Variants in ADAP1 observed in about 807,000 individuals in gnomAD.
ADAP1 encodes the protein ArfGAP with dual PH domains 1.
ADAP1 carries 31 observed loss-of-function variants against 54.9 expected under a neutral mutation model. That is an observed-to-expected ratio of 0.56 (90% CI 0.42 to 0.76). The LOEUF (loss-of-function observed/expected upper bound fraction) is 0.76. ADAP1 is among the 30% of genes least tolerant of loss of function. ADAP1 has a pLI of 0.00. For missense variants in ADAP1, 535 were observed against 512.4 expected (o/e 1.04, Z -0.42); for synonymous variants, 313 against 202.6 (o/e 1.55, Z -4.63).
rs563628019 is a variant in ADAP1, at chr7:905,153, G to C, written c.408C>G (p.Leu136=). 20 of 1,612,106 alleles carry C rather than the reference G, an allele frequency of 1.2e-5. No homozygotes were observed. Among genetic ancestry groups the C allele is most frequent in the Middle Eastern group, 1.7e-4 (1 of 6,060 alleles). ...PYSAGYREGF[L]WKRGRDNGQF... ...GCCCGTTGTCCCGGCCACGCTTCCA[G>C]AGAAAACCCTCACGGTACCCTGTGG... Residue 136 remains leucine (L), a synonymous_variant, in exon 5 of 11, where the codon CTC becomes CTG. Coordinates refer to ENST00000265846, the MANE Select transcript of ADAP1 (RefSeq NM_006869.4).
intron 1 of ADAP1, among the ~76,000 whole-genome samples, chr7:944,361 TCTC>T (rs1321114602): frequency 6.6e-6 from 1 of 150,974 alleles, no homozygotes; most frequent in Non-Finnish European, 1.5e-5. Context: ...TTCAAGCAAT[TCTC>T]CTGTCTCAGC....
At chr7:931,490 C>A (rs1311502123) in intron 2 of ADAP1, among the ~76,000 whole-genome samples, 1 of 151,986 alleles carries the variant, frequency 6.6e-6, no homozygotes. Flanking sequence ...GCTCACACGC[C>A]GTGCGATCCC....
At chr7:934,184 C>T (rs1308006703) in intron 2 of ADAP1, among the ~76,000 whole-genome samples, 1 of 3,848 alleles carries the variant, frequency 2.6e-4, no homozygotes, top group Non-Finnish European at 5.6e-4. Context: ...GCTGGAGAGC[C>T]GGGGGCCGGG....
intron 1 of ADAP1, among the ~76,000 whole-genome samples, chr7:949,713 A>C (rs1446352540): frequency 6.6e-6 from 1 of 152,192 alleles, no homozygotes; most frequent in Non-Finnish European, 1.5e-5. Context: ...GGGCCTGGGC[A>C]CCAGGCGCAG....
At chr7:909,780 G>A (rs1329660199) in intron 4 of ADAP1, among the ~76,000 whole-genome samples, 1 of 152,184 alleles carries the variant, frequency 6.6e-6, no homozygotes, top group Non-Finnish European at 1.5e-5. Context: ...GACTCGACCA[G>A]TATTTATCAA....
intron 3 of ADAP1, among the ~76,000 whole-genome samples, chr7:925,959 C>A (rs893982023): frequency 6.6e-6 from 1 of 152,176 alleles, no homozygotes; most frequent in Admixed American, 6.5e-5. Flanking sequence ...GGGGTCGGTG[C>A]GAACAGTCAG....
chr7:903,887 C>T (rs1437306127), intron 6 of ADAP1: 19 of 489,184 alleles, frequency 3.9e-5, no homozygotes. Context: ...GGCAGCCCGG[C>T]CCTGGGAAGC....
chr7:907,911 GCCGTCTGCCGAGCAT>G (rs1307909349), intron 4 of ADAP1, among the ~76,000 whole-genome samples: 2 of 151,298 alleles, frequency 1.3e-5, no homozygotes, highest in Admixed American at 6.6e-5. Context: ...CTGCCGAGGA[GCCGTCTGCCGAGCAT>G]CCGTGGCCCC....
chr7:926,702 T>A lies in ADAP1; in HGVS notation c.214-58A>T. On this transcript the variant is annotated intron_variant, in intron 2 of 10. Transcript: ENST00000265846. This position sits in a 1 kb window ranked among gnomAD's most constrained non-coding sequence, Gnocchi z 4.6. ...GGGGTCCCAGGGGCAGCCTAGGAGG[T>A]GCCAGCTGCCCTTGGGGCCGTCACC... 7.2e-7 allele frequency: 1 copy of A among 1,379,494 alleles called. No homozygotes were observed. Among genetic ancestry groups the A allele is most frequent in the African/African-American group, 1.5e-5 (1 of 66,280 alleles). 85.5% of individuals were successfully genotyped at this position (1,379,494 alleles called of 1,614,324 possible). A position where few individuals can be genotyped will look rare whatever the true frequency, so the allele number is the denominator to read the frequency against.
intron 1 of ADAP1, among the ~76,000 whole-genome samples, chr7:953,171 G>A (rs1305729415): frequency 2.0e-5 from 3 of 152,228 alleles, no homozygotes; most frequent in African/African-American, 7.2e-5. Flanking sequence ...AGTCTGGGGT[G>A]AGCCAGCCCA....
In ADAP1 at chr7:905,149, TC is replaced by T; in HGVS notation, c.411del (p.Trp137Ter). On this transcript the variant is annotated frameshift_variant, in exon 5 of 11. Coordinates refer to ENST00000265846, the MANE Select transcript of ADAP1 (RefSeq NM_006869.4). LOFTEE classifies it high-confidence loss of function. ...AACTGCCCGTTGTCCCGGCCACGCT[TC>T]CAGAGAAAACCCTCACGGTACCCTG... is the stretch of plus-strand genomic sequence containing the variant. ...YSAGYREGFL[W>X]KRGRDNGQFL... The T allele has an allele frequency of 6.2e-7, 1 of 1,612,036 alleles. No homozygotes were observed.
rs971894310 is a variant in ADAP1 at position 938,123 on chromosome 7, C to T, written c.83-2618G>A. Reference sequence around the variant, plus strand: ...AGGGCGGCTTTTGGGAGAAAGAATGCGGTTACAGGATCAGCCGTTGTTTGG... The same window carrying T: ...AGGGCGGCTTTTGGGAGAAAGAATGTGGTTACAGGATCAGCCGTTGTTTGG... On this transcript the variant is annotated intron_variant, in intron 1 of 10. Transcript: ENST00000265846. The surrounding 1 kb of genome is among the most constrained non-coding windows in gnomAD (Gnocchi z 4.4). 1.3e-5 allele frequency among the ~76,000 whole-genome samples: 2 copies of T among 152,132 alleles called. No individual in the cohort carries two copies. Among genetic ancestry groups the T allele is most frequent in the Admixed American group, 1.3e-4 (2 of 15,260 alleles).
intron 2 of ADAP1, chr7:927,378 A>C: frequency 1.6e-6 from 1 of 625,942 alleles, no homozygotes; most frequent in Non-Finnish European, 2.6e-6. Context: ...AGCCTTGAGC[A>C]GCAGGAGGGG....
At chr7:901,027 C>A (rs1169452929) in intron 6 of ADAP1, 1 of 474,934 alleles carries the variant, frequency 2.1e-6, no homozygotes, top group Admixed American at 2.3e-5. Context: ...GTAGCTCAAG[C>A]AAGTCTTGGG....
chr7:904,811 G>A (rs1845015296), intron 5 of ADAP1, among the ~76,000 whole-genome samples: 1 of 152,234 alleles, frequency 6.6e-6, no homozygotes, highest in East Asian at 1.9e-4. Context: ...CCACGGCTGG[G>A]CCTGAGTTCA....
At chr7:909,179 GCGGGAACCCCGGACC>G (rs1562917922) in intron 4 of ADAP1, among the ~76,000 whole-genome samples, 184 of 127,682 alleles carry the variant, frequency 1.4e-3, no homozygotes, top group Non-Finnish European at 2.3e-3. Flanking sequence ...GCAGGCGCCA[GCGGGAACCCCGGACC>G]TCCCGACAGC....
chr7:952,847 G>T (rs1427942777), intron 1 of ADAP1, among the ~76,000 whole-genome samples: 1 of 152,198 alleles, frequency 6.6e-6, no homozygotes, highest in African/African-American at 2.4e-5. Context: ...CAGCTCTGGG[G>T]TGGGCCAGGC....
Position 926,537 on chromosome 7 carries a change from G to T in ADAP1, c.305+16C>A, listed in dbSNP as rs1846395048. On this transcript the variant is annotated intron_variant, in intron 3 of 10. Coordinates refer to ENST00000265846, the MANE Select transcript of ADAP1 (RefSeq NM_006869.4). The surrounding 1 kb of genome is among the most constrained non-coding windows in gnomAD (Gnocchi z 4.6). ...AGCACTTGACCATGGCCCTGACAAG[G>T]CCCCTTTGTACTCACTGGCAGTCGG... The T allele has an allele frequency of 1.3e-6, 2 of 1,518,764 alleles. No individual in the cohort carries two copies. The highest frequency in any genetic ancestry group is 1.8e-6 in the Non-Finnish European group (2 of 1,134,296). 94.1% of individuals were successfully genotyped at this position (1,518,764 alleles called of 1,614,324 possible).
intron 6 of ADAP1, among the ~76,000 whole-genome samples, chr7:901,669 AG>A (rs1844822787): frequency 2.0e-5 from 1 of 50,732 alleles, no homozygotes; most frequent in Non-Finnish European, 3.7e-5. Context: ...ATCGGCCTCC[AG>A]CCCTGCTTTC....
Sources: gnomAD v4.1 joint callset for allele counts (sites outside exome capture counted in the v4.1 genomes callset) on GRCh38, gnomAD v4.1.1 for gene constraint, Gnocchi (gnomAD v3.1) non-coding constraint, MANE v1.5 for transcripts, NCBI Gene and HGNC (gene_info 2026-07-23, HGNC 2026-07-21) for gene names.